Variants in CACNA1C observed in about 807,000 individuals in gnomAD.
CACNA1C encodes calcium voltage-gated channel subunit alpha1 C.
Under a neutral mutation model 229.0 loss-of-function variants are expected in CACNA1C, and 30 were observed. That is an observed-to-expected ratio of 0.13 (90% CI 0.10 to 0.18). The LOEUF is 0.18. CACNA1C is among the 10% of genes least tolerant of loss of function. CACNA1C has a pLI of 1.00. For missense variants in CACNA1C, 1,658 were observed against 2,845.0 expected (o/e 0.58, Z 9.49); for synonymous variants, 1,114 against 1,132.5 (o/e 0.98, Z 0.33).
intron 9 of CACNA1C, among the ~76,000 whole-genome samples, chr12:2,543,979 G>A (rs1442325065): frequency 1.3e-5 from 2 of 152,134 alleles, no homozygotes; most frequent in Non-Finnish European, 2.9e-5. Flanking sequence ...CTTGGTGACT[G>A]GCAGCCTACG....
At chr12:2,645,576 G>A (rs2094253674) in intron 30 of CACNA1C, among the ~76,000 whole-genome samples, 1 of 152,136 alleles carries the variant, frequency 6.6e-6, no homozygotes, top group African/African-American at 2.4e-5. Flanking sequence ...ATTTGCCAAG[G>A]CGAAAGGGTA....
At chr12:1,993,590 T>C (rs1411672220) in intron 1 of CACNA1C, among the ~76,000 whole-genome samples, 2 of 151,736 alleles carry the variant, frequency 1.3e-5, no homozygotes, top group Non-Finnish European at 2.9e-5. Flanking sequence ...ACTGGCATGA[T>C]GATTCATTTG....
chr12:2,118,921 GTT>G (rs753477147), intron 2 of CACNA1C, among the ~76,000 whole-genome samples: 131 of 152,302 alleles, frequency 8.6e-4, no homozygotes, highest in Admixed American at 1.4e-3. Flanking sequence ...CATAGAAAAT[GTT>G]CTACAGGAAA....
intron 7 of CACNA1C, among the ~76,000 whole-genome samples, chr12:2,494,327 C>G (rs2099742401): frequency 1.3e-5 from 2 of 152,240 alleles, no homozygotes; most frequent in Admixed American, 6.5e-5. Context: ...TTTGAGCTGT[C>G]TCGATTCTGG....
intron 3 of CACNA1C, among the ~76,000 whole-genome samples, chr12:2,209,962 A>G (rs1004562267): frequency 1.3e-5 from 2 of 152,350 alleles, no homozygotes; most frequent in East Asian, 1.9e-4. Context: ...AAGTCAAGCT[A>G]TATAAAATTC....
At chr12:1,972,794 AAGGATGGAAT>A (rs1218518918) in intron 1 of CACNA1C, among the ~76,000 whole-genome samples, 3 of 152,094 alleles carry the variant, frequency 2.0e-5, no homozygotes, top group Non-Finnish European at 4.4e-5. Context: ...GGAAAAAAAG[AAGGATGGAAT>A]GAAGGGAGGG....
At chr12:2,178,295 G>A (rs530745386) in intron 3 of CACNA1C, among the ~76,000 whole-genome samples, 103 of 152,334 alleles carry the variant, frequency 6.8e-4, no homozygotes, top group Middle Eastern at 3.4e-3. Flanking sequence ...AGGAGCCAGC[G>A]GCTGGCTATC....
intron 1 of CACNA1C, among the ~76,000 whole-genome samples, chr12:2,113,806 G>A (rs753840196): frequency 3.3e-5 from 5 of 152,216 alleles, no homozygotes; most frequent in Admixed American, 6.5e-5. Context: ...ACTCTAGAGC[G>A]AGGCATCCAG....
intron 7 of CACNA1C, among the ~76,000 whole-genome samples, chr12:2,494,135 C>T (rs2099742004): frequency 6.6e-6 from 1 of 152,064 alleles, no homozygotes; most frequent in Non-Finnish European, 1.5e-5. Context: ...TCTATTAAGC[C>T]CCACATACAT....
At chr12:2,638,749 A>G (rs560270717) in intron 30 of CACNA1C, among the ~76,000 whole-genome samples, 2 of 152,282 alleles carry the variant, frequency 1.3e-5, no homozygotes, top group African/African-American at 4.8e-5. Context: ...GCCCAGGAGG[A>G]CTGGGAGGTT....
chr12:2,014,800 C>T (rs2045066996), intron 1 of CACNA1C, among the ~76,000 whole-genome samples: 1 of 152,118 alleles, frequency 6.6e-6, no homozygotes, highest in South Asian at 2.1e-4. Flanking sequence ...GAGCTTTAGG[C>T]CTTACAGAGG....
intron 3 of CACNA1C, among the ~76,000 whole-genome samples, chr12:2,259,703 G>C (rs959597183): frequency 6.6e-6 from 1 of 152,186 alleles, no homozygotes; most frequent in Non-Finnish European, 1.5e-5. Context: ...GTTTTGTTTT[G>C]TTTTTCATTT....
chr12:2,486,217 A>C lies in CACNA1C; in HGVS notation c.871A>C (p.Met291Leu). The C allele has an allele frequency of 1.9e-6, 3 of 1,613,628 alleles. No individual in the cohort carries two copies. The highest frequency in any genetic ancestry group is 2.5e-6 in the Non-Finnish European group (3 of 1,179,776). Reference protein sequence around the residue: ...IYAIIGLELFMGKMHKTCYNQ... With the variant: ...IYAIIGLELFLGKMHKTCYNQ... ...CGCCATCATCGGCTTGGAGCTCTTC[A>C]TGGGGAAGATGCACAAGACCTGCTA... Residue 291 changes from methionine (M) to leucine (L), a missense_variant, in exon 6 of 47, where the codon ATG (methionine) becomes CTG (leucine). Physicochemically the swap from Met to Leu is conservative, Grantham distance 15. This residue lies in a region of CACNA1C where 84 missense variants were observed against 202.6 expected (regional missense o/e 0.41). Coordinates refer to ENST00000399655, the MANE Select transcript of CACNA1C (RefSeq NM_000719.7). This position sits in a 1 kb window ranked among gnomAD's most constrained non-coding sequence, Gnocchi z 4.9.
intron 3 of CACNA1C, among the ~76,000 whole-genome samples, chr12:2,330,159 G>A (rs546327401): frequency 1.3e-5 from 2 of 152,070 alleles, no homozygotes; most frequent in African/African-American, 2.4e-5. Context: ...GCATCCTCCC[G>A]CCCTCTCACC....
At chr12:2,538,650 T>C (rs1249892216) in intron 9 of CACNA1C, among the ~76,000 whole-genome samples, 1 of 152,190 alleles carries the variant, frequency 6.6e-6, no homozygotes, top group East Asian at 1.9e-4. Context: ...AGGACTGTCT[T>C]TGTTGTTTTT....
chr12:2,527,086 T>C (rs1215874927), intron 9 of CACNA1C, among the ~76,000 whole-genome samples: 5 of 152,226 alleles, frequency 3.3e-5, no homozygotes, highest in Non-Finnish European at 4.4e-5. Flanking sequence ...AAAGTAAGGA[T>C]ATTAAGACAT....
At chr12:2,264,086 C>A (rs1005829038) in intron 3 of CACNA1C, among the ~76,000 whole-genome samples, 25 of 152,184 alleles carry the variant, frequency 1.6e-4, no homozygotes, top group Admixed American at 1.6e-3. Flanking sequence ...TGCTGCAGAG[C>A]CCCTGTTGCA....
chr12:2,099,771 G>A (rs976102428), intron 1 of CACNA1C, among the ~76,000 whole-genome samples: 1 of 151,948 alleles, frequency 6.6e-6, no homozygotes, highest in Non-Finnish European at 1.5e-5. Flanking sequence ...GGGCAGACAC[G>A]CTGCCTGCCT....
intron 3 of CACNA1C, among the ~76,000 whole-genome samples, chr12:2,268,324 G>A (rs988634408): frequency 5.9e-5 from 9 of 152,202 alleles, no homozygotes; most frequent in Admixed American, 1.3e-4. Context: ...ATCCAGGCTC[G>A]GTGGCTGGAA....
Sources: allele counts gnomAD v4.1 joint callset (sites outside exome capture counted in the v4.1 genomes callset), GRCh38; gene constraint gnomAD v4.1.1; regional missense constraint gnomAD v4.1.1; non-coding constraint Gnocchi (gnomAD v3.1); transcripts MANE v1.5; gene names NCBI Gene and HGNC (gene_info 2026-07-23, HGNC 2026-07-21).